PLEKHM2: variants seen among roughly 807,000 people sequenced by gnomAD.
PLEKHM2 encodes the protein pleckstrin homology and RUN domain containing M2.
PLEKHM2 carries 77 observed loss-of-function variants against 116.3 expected under a neutral mutation model. That is an observed-to-expected ratio of 0.66 (90% CI 0.55 to 0.80). The LOEUF (loss-of-function observed/expected upper bound fraction) is 0.80. Among genes scored for constraint, PLEKHM2 ranks in the 30% least tolerant of loss-of-function variants. PLEKHM2 has a pLI of 0.00. For synonymous variants in PLEKHM2, 562 were observed against 571.0 expected (o/e 0.98, Z 0.22); for missense variants, 1,183 against 1,354.9 (o/e 0.87, Z 1.99).
intron 3 of PLEKHM2, among the ~76,000 whole-genome samples, chr1:15,717,040 G>C (rs922419406): frequency 3.3e-5 from 5 of 152,044 alleles, no homozygotes; most frequent in Admixed American, 3.3e-4. Context: ...ATGGCTTGAG[G>C]CCAGGAGTTT....
intron 1 of PLEKHM2, among the ~76,000 whole-genome samples, chr1:15,702,723 T>TC (rs1641140344): frequency 6.8e-6 from 1 of 146,600 alleles, no homozygotes; most frequent in African/African-American, 2.5e-5. Flanking sequence ...CAGCCTTTTT[T>TC]TTTTTTTTTT....
At position 15,717,954 on chromosome 1, in the gene PLEKHM2, C is replaced by G. The variant is rs973996783; in HGVS notation, c.339C>G (p.Phe113Leu). ...ENSLESYLRL[F>L]QENLGLLHKY... Reference sequence around the variant, plus strand: ...CCTTGGAGAGCTACCTGCGGTTGTTCCAGGAGAACCTGGGCCTGCTGCATA... The same window carrying G: ...CCTTGGAGAGCTACCTGCGGTTGTTGCAGGAGAACCTGGGCCTGCTGCATA... The change falls in exon 4 of 20, where the codon TTC (phenylalanine) becomes TTG (leucine). Residue 113 changes from phenylalanine (F) to leucine (L), a missense_variant. Phe to Leu is a conservative substitution (Grantham distance 22). This residue lies in a region of PLEKHM2 where 217 missense variants were observed against 277.6 expected (regional missense o/e 0.78). Coordinates refer to ENST00000375799, the MANE Select transcript of PLEKHM2 (RefSeq NM_015164.4). The G allele has an allele frequency of 3.8e-6, 6 of 1,599,358 alleles. No homozygotes were observed. Among genetic ancestry groups the G allele is most frequent in the Non-Finnish European group, 5.1e-6 (6 of 1,172,812 alleles).
In PLEKHM2 at chr1:15,719,893, G is replaced by A. The variant is rs1433378080; in HGVS notation, c.625G>A (p.Asp209Asn). ...SVTSTNLEWDDSAIAPSSEDY... is the reference protein window; with the variant it reads ...SVTSTNLEWDNSAIAPSSEDY... Reference sequence around the variant, plus strand: ...CACCTCCACCAACCTGGAGTGGGATGACAGTGCGATTGCCCCATCTAGTGA... The same window carrying A: ...CACCTCCACCAACCTGGAGTGGGATAACAGTGCGATTGCCCCATCTAGTGA... Residue 209 changes from aspartate (D) to asparagine (N), a missense_variant, in exon 6 of 20, where the codon GAC (aspartate) becomes AAC (asparagine). Coordinates refer to ENST00000375799, the MANE Select transcript of PLEKHM2 (RefSeq NM_015164.4). The surrounding 1 kb of genome is among the most constrained non-coding windows in gnomAD (Gnocchi z 4.1). 3.1e-6 allele frequency: 5 copies of A among 1,613,444 alleles called. No homozygotes were observed. The African/African-American group carries it at 4.0e-5, about 13-fold the overall frequency.
chr1:15,713,001 A>G (rs1208397808), intron 1 of PLEKHM2, among the ~76,000 whole-genome samples: 2 of 152,158 alleles, frequency 1.3e-5, no homozygotes, highest in African/African-American at 4.8e-5. Flanking sequence ...GGGTTTCACC[A>G]TGTTAGCCAG....
chr1:15,684,297 C>CCTG (rs1008156491), upstream of PLEKHM2: 3 of 157,218 alleles, frequency 1.9e-5, no homozygotes, highest in African/African-American at 7.3e-5. Context: ...GACATCAGTT[C>CCTG]CTGCCGCCGC....
chr1:15,733,716 G>C, intron 19 of PLEKHM2, 81 bp from the exon 20 acceptor site: 1 of 1,483,688 alleles, frequency 6.7e-7, no homozygotes. Context: ...CCAAGGCAGA[G>C]GCAGGCCTGG....
At chr1:15,725,917 T>C (rs1340313761) in intron 8 of PLEKHM2, 1 of 252,180 alleles carries the variant, frequency 4.0e-6, no homozygotes, top group Non-Finnish European at 7.8e-6. Flanking sequence ...TAGGGTCCCT[T>C]TTATGAGGGT....
chr1:15,728,446 C>A lies in PLEKHM2; in HGVS notation c.1921+89C>A. Reference sequence around the variant, plus strand: ...CAGTCCCCTTGCCCTCTGAGTGCCTCCCGGCTGCCTGGCATGCAGTGATGG... The same window carrying A: ...CAGTCCCCTTGCCCTCTGAGTGCCTACCGGCTGCCTGGCATGCAGTGATGG... On this transcript the variant is annotated intron_variant, in intron 11 of 19. Transcript: ENST00000375799. The surrounding 1 kb of genome is among the most constrained non-coding windows in gnomAD (Gnocchi z 5.9). 8.0e-7 allele frequency: 1 copy of A among 1,244,444 alleles called. No homozygotes were observed. The highest frequency in any genetic ancestry group is 1.1e-6 in the Non-Finnish European group (1 of 879,276). 77.1% of individuals were successfully genotyped at this position (1,244,444 alleles called of 1,614,324 possible).
chr1:15,727,710 C>T lies in PLEKHM2; in HGVS notation c.1638C>T (p.Thr546=), dbSNP rs1316798146. 1.3e-6 allele frequency: 2 copies of T among 1,595,730 alleles called. No homozygotes were observed. Among genetic ancestry groups the T allele is most frequent in the East Asian group, 4.5e-5 (2 of 44,006 alleles). Reference sequence around the variant, plus strand: ...CTGTGTCTGAGCCAGAGCCTGGGACCCAGGAGGTTCTCTGCCAGCTCAAGC... The same window carrying T: ...CTGTGTCTGAGCCAGAGCCTGGGACTCAGGAGGTTCTCTGCCAGCTCAAGC... ...EGPVSEPEPG[T]QEVLCQLKRD... is the part of the protein sequence containing the mutation. Residue 546 remains threonine (T), a synonymous_variant, in exon 9 of 20, where the codon ACC becomes ACT. Transcript: ENST00000375799. The surrounding 1 kb of genome is among the most constrained non-coding windows in gnomAD (Gnocchi z 7.5).
At chr1:15,711,734 T>C (rs1039177850) in intron 1 of PLEKHM2, among the ~76,000 whole-genome samples, 1 of 151,902 alleles carries the variant, frequency 6.6e-6, no homozygotes, top group Non-Finnish European at 1.5e-5. Flanking sequence ...AATTTCTCAA[T>C]AGGGCAAAAA....
chr1:15,708,681 C>T (rs1323777139), intron 1 of PLEKHM2, among the ~76,000 whole-genome samples: 3 of 152,122 alleles, frequency 2.0e-5, no homozygotes, highest in African/African-American at 7.2e-5. Context: ...CACTGGCCTC[C>T]CAAAGAGCTG....
At chr1:15,705,394 C>T (rs1641205089) in intron 1 of PLEKHM2, among the ~76,000 whole-genome samples, 1 of 151,828 alleles carries the variant, frequency 6.6e-6, no homozygotes, top group African/African-American at 2.4e-5. Context: ...GTTGCCCAGG[C>T]TTGTCTCCAA....
chr1:15,722,822 G>A (rs1289586520), intron 7 of PLEKHM2: 1 of 152,068 alleles, frequency 6.6e-6, no homozygotes, highest in African/African-American at 2.4e-5. Context: ...CACACATGCT[G>A]GATATTGTTT....
chr1:15,731,827 GGCTGTC>G (rs1288329886), intron 16 of PLEKHM2, 56 bp from the exon 17 acceptor site: 3 of 1,457,156 alleles, frequency 2.1e-6, no homozygotes, highest in Non-Finnish European at 2.8e-6. Context: ...CAACCCTGGG[GGCTGTC>G]GCCCCGTGCT....
chr1:15,727,329 G>C lies in PLEKHM2; in HGVS notation c.1257G>C (p.Gly419=). 6.3e-7 allele frequency: 1 copy of C among 1,597,910 alleles called. No individual in the cohort carries two copies. Among genetic ancestry groups the C allele is most frequent in the Non-Finnish European group, 8.5e-7 (1 of 1,173,144 alleles). The change falls in exon 9 of 20, where the codon GGG becomes GGC. Residue 419 remains glycine (G), a synonymous_variant. Coordinates refer to ENST00000375799, the MANE Select transcript of PLEKHM2 (RefSeq NM_015164.4). This position sits in a 1 kb window ranked among gnomAD's most constrained non-coding sequence, Gnocchi z 7.5. The part of the protein sequence containing the change: ...PLSKVIDQLN[G]QLDPSTWCSR... ...GCAAGGTTATCGACCAGCTCAACGG[G>C]CAGCTGGACCCCAGCACCTGGTGCT...
intron 1 of PLEKHM2, among the ~76,000 whole-genome samples, chr1:15,685,541 G>GAAAAAAAAAAAA (rs200301672): frequency 2.1e-3 from 151 of 72,146 alleles, no homozygotes; most frequent in Non-Finnish European, 2.4e-3. Context: ...CTCAGAAACT[G>GAAAAAAAAAAAA]AAAAAAAAAA....
chr1:15,728,623 A>G lies in PLEKHM2; in HGVS notation c.1922-46A>G. The G allele has an allele frequency of 6.6e-7, 1 of 1,520,890 alleles. No individual in the cohort carries two copies. Among genetic ancestry groups the G allele is most frequent in the Non-Finnish European group, 9.0e-7 (1 of 1,108,878 alleles). 94.2% of individuals were successfully genotyped at this position (1,520,890 alleles called of 1,614,324 possible). On this transcript the variant is annotated intron_variant, in intron 11 of 19. Coordinates refer to ENST00000375799, the MANE Select transcript of PLEKHM2 (RefSeq NM_015164.4). This position sits in a 1 kb window ranked among gnomAD's most constrained non-coding sequence, Gnocchi z 5.9. ...CTAAGAAAATGGGGCAGGGGGAGGG[A>G]AAAGAGGCCTGTGGGGATAATAGGC...
chr1:15,685,917 G>C (rs1202572621), intron 1 of PLEKHM2, among the ~76,000 whole-genome samples: 1 of 152,362 alleles, frequency 6.6e-6, no homozygotes, highest in East Asian at 1.9e-4. Flanking sequence ...GGCAGGATGA[G>C]CAAATACTTT....
At position 15,730,245 on chromosome 1, in the gene PLEKHM2, C is replaced by T. The variant is rs6672142; in HGVS notation, c.2209-287C>T. 8.5e-5 allele frequency among the ~76,000 whole-genome samples: 13 copies of T among 152,144 alleles called. No individual in the cohort carries two copies. The East Asian group carries it at 9.7e-4, about 11-fold the overall frequency. ...CACCTGAGGTCAGGAGTTCGAGACC[C>T]GCCTCGCCAACATGGCAAAACCCCG... On this transcript the variant is annotated intron_variant, in intron 14 of 19. Coordinates refer to ENST00000375799, the MANE Select transcript of PLEKHM2 (RefSeq NM_015164.4).
Sources: allele counts gnomAD v4.1 joint callset (sites outside exome capture counted in the v4.1 genomes callset), GRCh38; gene constraint gnomAD v4.1.1; regional missense constraint gnomAD v4.1.1; non-coding constraint Gnocchi (gnomAD v3.1); transcripts MANE v1.5; gene names NCBI Gene and HGNC (gene_info 2026-07-23, HGNC 2026-07-21).